Variants in PIBF1 observed in about 807,000 individuals in gnomAD.
PIBF1 encodes progesterone immunomodulatory binding factor 1, also known as progesterone-induced-blocking factor 1.
Under a neutral mutation model 112.5 loss-of-function variants are expected in PIBF1, and 90 were observed. The ratio of observed to expected loss-of-function variants is 0.80; its 90% CI spans 0.67 to 0.95. PIBF1 has a LOEUF of 0.95. Among genes scored for constraint, PIBF1 ranks in the 40% least tolerant of loss-of-function variants. The pLI, the probability that PIBF1 is intolerant of heterozygous loss-of-function variation, is 0.00. For missense variants in PIBF1, 915 were observed against 852.3 expected, an observed-to-expected ratio of 1.07 and a Z score of -0.92; for synonymous variants, 301 against 288.6, an observed-to-expected ratio of 1.04 and a Z score of -0.44.
intron 9 of PIBF1, among the ~76,000 whole-genome samples, chr13:72,845,836 C>G (rs957940404): frequency 6.6e-6 from 1 of 152,032 alleles, no homozygotes; most frequent in African/African-American, 2.4e-5. Context: ...ACTATCAAGC[C>G]TTTGGCACCC....
At chr13:72,805,709 G>A (rs897096523) in intron 5 of PIBF1, among the ~76,000 whole-genome samples, 1 of 152,196 alleles carries the variant, frequency 6.6e-6, no homozygotes, top group African/African-American at 2.4e-5. Context: ...TGAAACTGCA[G>A]CACATGTATA....
chr13:72,803,805 T>C (rs1017755958), intron 5 of PIBF1, among the ~76,000 whole-genome samples: 1 of 151,872 alleles, frequency 6.6e-6, no homozygotes, highest in Non-Finnish European at 1.5e-5. Context: ...CTGGGGGAGG[T>C]TGAAGAGGTG....
At chr13:72,925,967 T>C (rs1052388959) in intron 13 of PIBF1, among the ~76,000 whole-genome samples, 2 of 152,216 alleles carry the variant, frequency 1.3e-5, no homozygotes, top group Non-Finnish European at 2.9e-5. Flanking sequence ...TTTTGTTACT[T>C]ATGCTTTTGC....
intron 11 of PIBF1, among the ~76,000 whole-genome samples, chr13:72,894,963 T>C (rs948329107): frequency 6.6e-6 from 1 of 151,244 alleles, no homozygotes; most frequent in Non-Finnish European, 1.5e-5. Context: ...CGTCTACTAC[T>C]AAAAAAATGT....
intron 14 of PIBF1, among the ~76,000 whole-genome samples, chr13:72,932,687 C>G (rs551621591): frequency 1.3e-5 from 2 of 152,150 alleles, no homozygotes; most frequent in South Asian, 2.1e-4. Flanking sequence ...CATACAGATA[C>G]AACAGACATA....
chr13:72,859,442 A>T (rs995242193), intron 10 of PIBF1, among the ~76,000 whole-genome samples: 8 of 152,204 alleles, frequency 5.3e-5, no homozygotes, highest in Non-Finnish European at 8.8e-5. Flanking sequence ...ATTATTAATT[A>T]AAAAATGGGT....
chr13:72,939,922 T>C (rs1363435553), intron 14 of PIBF1, among the ~76,000 whole-genome samples: 4 of 152,196 alleles, frequency 2.6e-5, no homozygotes, highest in Non-Finnish European at 5.9e-5. Flanking sequence ...TCCTTATCTT[T>C]GTTCCTCTCT....
chr13:72,972,048 A>ATTTATTTATTTAT (rs959326644), intron 15 of PIBF1, among the ~76,000 whole-genome samples: 1 of 116,942 alleles, frequency 8.6e-6, no homozygotes, highest in African/African-American at 2.8e-5. Flanking sequence ...TTATTTATTT[A>ATTTATTTATTTAT]TTTTTTGAGA....
intron 10 of PIBF1, among the ~76,000 whole-genome samples, chr13:72,869,056 G>T (rs1303456102): frequency 1.3e-5 from 2 of 152,072 alleles, no homozygotes; most frequent in Non-Finnish European, 2.9e-5. Flanking sequence ...AAGTCAGTGT[G>T]GCGATTCCTC....
intron 10 of PIBF1, among the ~76,000 whole-genome samples, chr13:72,858,023 T>TTGCTTTGTGTGTG (rs71099760): frequency 0.019 from 2,708 of 141,288 alleles, 34 homozygotes; most frequent in Middle Eastern, 0.032. Context: ...CAAATGTACA[T>TTGCTTTGTGTGTG]TGTGTGTGTG....
Position 72,949,300 on chromosome 13 carries a change from C to CTTT in PIBF1, c.1834-15943_1834-15941dup, listed in dbSNP as rs71099771. Among the ~76,000 whole-genome samples, 524 of 55,002 alleles carry CTTT rather than the reference C, an allele frequency of 9.5e-3. 83 individuals are homozygous for CTTT. Among genetic ancestry groups the CTTT allele is most frequent in the East Asian group, 0.013 (16 of 1,230 alleles). 36.1% of individuals were successfully genotyped at this position (55,002 alleles called of 152,430 possible). ...AACTACTACCTAGACAAATAGCTGT[C>CTTT]TTTTTTTTTTTTTTTTTTTTTTTTT... On this transcript the variant is annotated intron_variant, in intron 14 of 17. Coordinates refer to ENST00000326291, the MANE Select transcript of PIBF1 (RefSeq NM_006346.4).
At chr13:72,889,516 A>G (rs1278993260) in intron 10 of PIBF1, among the ~76,000 whole-genome samples, 5 of 152,166 alleles carry the variant, frequency 3.3e-5, no homozygotes, top group African/African-American at 1.2e-4. Flanking sequence ...CATAAAGTTG[A>G]AAATATCTTT....
intron 2 of PIBF1, 128 bp downstream of exon 2, chr13:72,783,849 T>C: frequency 1.1e-6 from 1 of 935,772 alleles, no homozygotes; most frequent in South Asian, 1.7e-5. Flanking sequence ...AAGTACAGCC[T>C]TTAAATAATT....
chr13:72,852,381 C>T (rs1017897593), intron 9 of PIBF1, among the ~76,000 whole-genome samples: 9 of 152,224 alleles, frequency 5.9e-5, no homozygotes, highest in South Asian at 2.1e-4. Context: ...GCCTACCCCA[C>T]GGCAGCCGGT....
intron 11 of PIBF1, among the ~76,000 whole-genome samples, chr13:72,902,006 A>ATGTGTGTGTGTG (rs137877705): frequency 0.021 from 3,042 of 147,858 alleles, 64 homozygotes; most frequent in Middle Eastern, 0.027. Flanking sequence ...GTGTATGTAT[A>ATGTGTGTGTGTG]TGTGTGTGTG....
intron 14 of PIBF1, among the ~76,000 whole-genome samples, chr13:72,948,226 T>A (rs961314807): frequency 1.3e-4 from 19 of 151,470 alleles, no homozygotes; most frequent in Admixed American, 1.3e-3. Flanking sequence ...AAGTATAATT[T>A]AAAAAAAAGA....
chr13:72,809,937 C>T (rs1054714035), intron 5 of PIBF1, among the ~76,000 whole-genome samples: 23 of 152,036 alleles, frequency 1.5e-4, no homozygotes, highest in African/African-American at 5.3e-4. Flanking sequence ...TCTGAAGTGG[C>T]AGTTTTAGTG....
rs974807017 is a variant in PIBF1, at chr13:72,782,187, C to G, written c.-210C>G. On this transcript the variant is annotated 5_prime_UTR_variant, in exon 1 of 18. Transcript: ENST00000326291. ...GCTGGTTCTGTCCTCCTTGCGGGTG[C>G]GGAGATGGTTGTCTTGGTTACGGGT... is the stretch of plus-strand genomic sequence containing the variant. 4.2e-6 allele frequency: 1 copy of G among 238,218 alleles called. No individual in the cohort carries two copies. Among genetic ancestry groups the G allele is most frequent in the East Asian group, 7.4e-5 (1 of 13,580 alleles). The allele number at this position is 238,218 out of a possible 1,614,324, so 14.8% of individuals were successfully genotyped here. A position where few individuals can be genotyped will look rare whatever the true frequency, so the allele number is the denominator to read the frequency against.
intron 9 of PIBF1, among the ~76,000 whole-genome samples, chr13:72,846,447 T>G (rs187250130): frequency 6.6e-6 from 1 of 152,282 alleles, no homozygotes; most frequent in East Asian, 1.9e-4. Context: ...TCCAGTCTCT[T>G]AGCACAGTTC....
Sources: allele counts gnomAD v4.1 joint callset (sites outside exome capture counted in the v4.1 genomes callset), GRCh38; gene constraint gnomAD v4.1.1; transcripts MANE v1.5; gene names NCBI Gene and HGNC (gene_info 2026-07-23, HGNC 2026-07-21).